CADPS2: variants seen among roughly 807,000 people sequenced by gnomAD.
The protein encoded by CADPS2 is calcium-dependent secretion activator 2.
In CADPS2, 93 loss-of-function variants were observed where a neutral mutation model predicts 172.5. The ratio of observed to expected loss-of-function variants is 0.54; its 90% CI spans 0.46 to 0.64. The LOEUF (loss-of-function observed/expected upper bound fraction) is 0.64. Ranked by LOEUF, CADPS2 falls within the 30% of genes least tolerant of loss-of-function variation. The pLI, the probability that CADPS2 is intolerant of heterozygous loss-of-function variation, is 0.00. For missense variants in CADPS2, 1,420 were observed against 1,565.9 expected (o/e 0.91, Z 1.57); for synonymous variants, 546 against 555.2 (o/e 0.98, Z 0.23).
chr7:122,694,033 GATA>G (rs1024357770), intron 2 of CADPS2, among the ~76,000 whole-genome samples: 1 of 152,160 alleles, frequency 6.6e-6, no homozygotes, highest in Non-Finnish European at 1.5e-5. Context: ...GTTGACATCA[GATA>G]ATAATAAATA....
chr7:122,804,091 C>G (rs1798282838), intron 1 of CADPS2, among the ~76,000 whole-genome samples: 2 of 151,976 alleles, frequency 1.3e-5, no homozygotes, highest in South Asian at 2.1e-4. Context: ...CCACACTGCT[C>G]TCTTATCTCT....
intron 29 of CADPS2, 35 bp downstream of exon 29, chr7:122,325,442 A>T: frequency 7.6e-7 from 1 of 1,323,942 alleles, no homozygotes; most frequent in Non-Finnish European, 1.1e-6. Context: ...CTTATAGCTT[A>T]GTGGGCAATT....
At chr7:122,769,373 G>C (rs1427084280) in intron 1 of CADPS2, among the ~76,000 whole-genome samples, 1 of 152,130 alleles carries the variant, frequency 6.6e-6, no homozygotes. Context: ...ACAACTTACA[G>C]GGACACAATT....
chr7:122,685,564 G>A (rs151151865), intron 2 of CADPS2, among the ~76,000 whole-genome samples: 3 of 152,160 alleles, frequency 2.0e-5, no homozygotes, highest in East Asian at 1.9e-4. Flanking sequence ...TTCTTTTCAG[G>A]TCTTTGTTCA....
chr7:122,745,801 T>G (rs2092698239), intron 1 of CADPS2, among the ~76,000 whole-genome samples: 1 of 152,028 alleles, frequency 6.6e-6, no homozygotes, highest in African/African-American at 2.4e-5. Context: ...AAAAGTCGGT[T>G]TATCATGCAA....
intron 19 of CADPS2, among the ~76,000 whole-genome samples, chr7:122,409,109 T>G (rs933189938): frequency 6.6e-6 from 1 of 152,210 alleles, no homozygotes; most frequent in Non-Finnish European, 1.5e-5. Context: ...GAATATTTTT[T>G]GGTTAAATAT....
At chr7:122,470,565 G>T (rs1022583342) in intron 14 of CADPS2, among the ~76,000 whole-genome samples, 1 of 151,926 alleles carries the variant, frequency 6.6e-6, no homozygotes, top group Admixed American at 6.6e-5. Context: ...CATGATCTTG[G>T]CTCACTGCAA....
At chr7:122,408,615 C>T (rs377026929) in intron 19 of CADPS2, among the ~76,000 whole-genome samples, 14 of 152,114 alleles carry the variant, frequency 9.2e-5, no homozygotes, top group South Asian at 2.1e-4. Flanking sequence ...TTAGGAGAAA[C>T]GGGGTTTTGC....
chr7:122,758,271 T>G (rs1356419970), intron 1 of CADPS2, among the ~76,000 whole-genome samples: 1 of 152,190 alleles, frequency 6.6e-6, no homozygotes, highest in Non-Finnish European at 1.5e-5. Context: ...TTCTCACTCC[T>G]TTTGGTATTA....
intron 1 of CADPS2, among the ~76,000 whole-genome samples, chr7:122,851,356 A>G (rs576740747): frequency 6.6e-6 from 1 of 152,268 alleles, no homozygotes; most frequent in East Asian, 1.9e-4. Context: ...TTCTGTGCCC[A>G]ATCACTGGCT....
chr7:122,831,335 T>C (rs1251780648), intron 1 of CADPS2, among the ~76,000 whole-genome samples: 1 of 152,168 alleles, frequency 6.6e-6, no homozygotes, highest in Non-Finnish European at 1.5e-5. Context: ...GTGTTTTCGC[T>C]CAACTGGAAA....
intron 7 of CADPS2, among the ~76,000 whole-genome samples, chr7:122,566,155 G>A (rs977648302): frequency 5.3e-5 from 8 of 152,066 alleles, no homozygotes; most frequent in Non-Finnish European, 1.0e-4. Flanking sequence ...TGAAAGAAAT[G>A]CTCAACATCG....
At chr7:122,662,374 GCTTTTT>G (rs2080679002) in intron 3 of CADPS2, among the ~76,000 whole-genome samples, 1 of 90,474 alleles carries the variant, frequency 1.1e-5, no homozygotes, top group African/African-American at 4.3e-5. Flanking sequence ...CTCCTTCCCT[GCTTTTT>G]TTTTTTTTTT....
chr7:122,701,886 G>T, intron 2 of CADPS2: 1 of 1,613,424 alleles, frequency 6.2e-7, no homozygotes, highest in South Asian at 1.1e-5. Flanking sequence ...TGGGCTAAAA[G>T]CCAGGGGTCA....
intron 27 of CADPS2, among the ~76,000 whole-genome samples, chr7:122,350,681 A>G (rs17365158): frequency 0.13 from 19,997 of 152,130 alleles, 1,634 homozygotes; most frequent in Non-Finnish European, 0.18. Context: ...TATGATGGGA[A>G]GAGAAACAGT....
chr7:122,421,735 T>C (rs1563296327), intron 17 of CADPS2, among the ~76,000 whole-genome samples: 1 of 152,230 alleles, frequency 6.6e-6, no homozygotes, highest in East Asian at 1.9e-4. Flanking sequence ...AGATCTGTTA[T>C]AAAGTCTGTA....
intron 4 of CADPS2, among the ~76,000 whole-genome samples, chr7:122,626,592 T>C (rs1212171213): frequency 6.6e-6 from 1 of 152,152 alleles, no homozygotes; most frequent in African/African-American, 2.4e-5. Context: ...TAAGTAACAA[T>C]GATCACCTTC....
At chr7:122,882,679 T>C (rs1563246542) in intron 1 of CADPS2, among the ~76,000 whole-genome samples, 1 of 150,676 alleles carries the variant, frequency 6.6e-6, no homozygotes, top group African/African-American at 2.5e-5. Flanking sequence ...GTCTAACAAA[T>C]TGCCTTTATT....
rs183153299 is a variant in CADPS2 at position 122,726,815 on chromosome 7, C to T, written c.453+10140G>A. On this transcript the variant is annotated intron_variant, in intron 2 of 29. Coordinates refer to ENST00000449022, the MANE Select transcript of CADPS2 (RefSeq NM_017954.11). The stretch of plus-strand genomic sequence containing the variant: ...CTATCCACATATAAGATAGAGTTTG[C>T]TTGAATGAGGTGGATAACTAACTAT... Among the ~76,000 whole-genome samples, 622 of 146,960 alleles carry T rather than the reference C, an allele frequency of 4.2e-3. 22 individuals are homozygous for T. The highest frequency in any genetic ancestry group is 0.04 in the Admixed American group (588 of 14,684).
Sources: gnomAD v4.1 joint callset for allele counts (sites outside exome capture counted in the v4.1 genomes callset) on GRCh38, gnomAD v4.1.1 for gene constraint, MANE v1.5 for transcripts, NCBI Gene and HGNC (gene_info 2026-07-23, HGNC 2026-07-21) for gene names.